Variants in PSMA5 observed in about 807,000 individuals in gnomAD.
PSMA5 encodes the protein proteasome subunit alpha type-5.
In PSMA5, 3 loss-of-function variants were observed where a neutral mutation model predicts 34.5. The observed-to-expected ratio is 0.09, with a 90% confidence interval of 0.04 to 0.22. The LOEUF is 0.22. Ranked by LOEUF, PSMA5 falls within the 10% of genes least tolerant of loss-of-function variation. The pLI is 1.00. For synonymous variants in PSMA5, 88 were observed against 95.8 expected (o/e 0.92, Z 0.47); for missense variants, 120 against 286.1 (o/e 0.42, Z 4.19).
chr1:109,419,458 A>G (rs1218408134), intron 2 of PSMA5, among the ~76,000 whole-genome samples: 1 of 152,066 alleles, frequency 6.6e-6, no homozygotes, highest in Non-Finnish European at 1.5e-5. Context: ...ACTTGAGCTC[A>G]GGAGCTCGAG....
At position 109,399,347 on chromosome 1, in the gene PSMA5, A is replaced by C. The variant is rs1246994970; in HGVS notation, c.*2666T>G. Reference sequence around the variant, plus strand: ...ATTGGTGAACAATTTGTTCCTTTCCATAACTACTATCAGATTAATTTAAAA... The same window carrying C: ...ATTGGTGAACAATTTGTTCCTTTCCCTAACTACTATCAGATTAATTTAAAA... On this transcript the variant is annotated 3_prime_UTR_variant, in exon 9 of 9. Transcript: ENST00000271308. The C allele has an allele frequency of 6.6e-6, 1 of 152,228 alleles. No homozygotes were observed. Among genetic ancestry groups the C allele is most frequent in the Non-Finnish European group, 1.5e-5 (1 of 68,046 alleles). The allele number at this position is 152,228 out of a possible 1,614,324, so 9.4% of individuals were successfully genotyped here.
At chr1:109,421,075 T>G (rs1654422393) in intron 2 of PSMA5, among the ~76,000 whole-genome samples, 2 of 150,372 alleles carry the variant, frequency 1.3e-5, no homozygotes, top group Admixed American at 6.6e-5. Context: ...GTACCCTAGC[T>G]GCTAGGGAGG....
Position 109,412,191 on chromosome 1 carries a change from G to A in PSMA5, c.292-7C>T. On this transcript the variant is annotated splice_region_variant and splice_polypyrimidine_tract_variant and intron_variant, in intron 4 of 8. Transcript: ENST00000271308. ...TGTAGGTGAACCAGTGGTTCTAGAA[G>A]AAGAGCAAAGCATGGTACAACCTTC... 1 of 1,605,618 alleles carries A rather than the reference G, an allele frequency of 6.2e-7. No homozygotes were observed. Among genetic ancestry groups the A allele is most frequent in the Non-Finnish European group, 8.5e-7 (1 of 1,172,224 alleles).
chr1:109,413,035 A>C, intron 4 of PSMA5, 33 bp downstream of exon 4: 1 of 1,573,238 alleles, frequency 6.4e-7, no homozygotes, highest in East Asian at 2.2e-5. Flanking sequence ...GAACTCAAGC[A>C]TCCTGGTAAA....
In PSMA5 at chr1:109,404,267, G is replaced by A. The variant is rs550366232; in HGVS notation, c.649-2177C>T. Among the ~76,000 whole-genome samples the A allele has an allele frequency of 5.9e-5, 9 of 152,140 alleles. No homozygotes were observed. The South Asian group carries it at 1.9e-3, about 32-fold the overall frequency. On this transcript the variant is annotated intron_variant, in intron 8 of 8. Transcript: ENST00000271308. ...GTGGAGGTTGCAGTGAGCTGAGATC[G>A]CACCACTGCACTTAGCCCAGGCAAC...
At chr1:109,410,366 T>G (rs1363717843) in intron 7 of PSMA5, among the ~76,000 whole-genome samples, 1 of 152,222 alleles carries the variant, frequency 6.6e-6, no homozygotes, top group Non-Finnish European at 1.5e-5. Context: ...AATGCCCAAA[T>G]GATCTAAGAG....
At position 109,415,265 on chromosome 1, in the gene PSMA5, C is replaced by T; in HGVS notation, c.195G>A (p.Glu65=). Reference sequence around the variant, plus strand: ...TGTGAGCATCAATCTCTACAATTTTCTCAATGCTGCTGGGCTCCATCAGTG... The same window carrying T: ...TGTGAGCATCAATCTCTACAATTTTTTCAATGCTGCTGGGCTCCATCAGTG... ...TSPLMEPSSI[E]KIVEIDAHIG... is the part of the protein sequence containing the mutation. Residue 65 remains glutamate (E), a synonymous_variant, in exon 3 of 9, where the codon GAG becomes GAA. Coordinates refer to ENST00000271308, the MANE Select transcript of PSMA5 (RefSeq NM_002790.4). 1 of 1,613,892 alleles carries T rather than the reference C, an allele frequency of 6.2e-7. No homozygotes were observed. Among genetic ancestry groups the T allele is most frequent in the Non-Finnish European group, 8.5e-7 (1 of 1,179,818 alleles).
At chr1:109,411,581 C>T (rs1653992642) in intron 6 of PSMA5, among the ~76,000 whole-genome samples, 2 of 152,098 alleles carry the variant, frequency 1.3e-5, no homozygotes, top group Admixed American at 1.3e-4. Context: ...TACATACACA[C>T]ACACACACTC....
intron 4 of PSMA5, 73 bp from the exon 5 acceptor site, chr1:109,412,257 A>C: frequency 8.0e-7 from 1 of 1,247,772 alleles, no homozygotes. Context: ...CACTACGCAC[A>C]TCCCTTTAAA....
At chr1:109,414,097 C>T (rs1006715669) in intron 3 of PSMA5, among the ~76,000 whole-genome samples, 35 of 152,166 alleles carry the variant, frequency 2.3e-4, no homozygotes, top group Admixed American at 5.9e-4. Context: ...GCTCTCTGAC[C>T]GACTCTGCTG....
chr1:109,424,914 G>A (rs1040098327), intron 1 of PSMA5, among the ~76,000 whole-genome samples: 1 of 152,200 alleles, frequency 6.6e-6, no homozygotes, highest in Non-Finnish European at 1.5e-5. Context: ...TTGAACCCAG[G>A]AGGCGGAGGT....
intron 8 of PSMA5, 76 bp downstream of exon 8, chr1:109,409,852 C>T (rs1302627629): frequency 9.8e-6 from 10 of 1,024,508 alleles, no homozygotes; most frequent in Non-Finnish European, 1.5e-5. Flanking sequence ...AGTTCAAGAC[C>T]AGTCTAGGCA....
chr1:109,410,662 A>G (rs1271150053), intron 7 of PSMA5, among the ~76,000 whole-genome samples: 2 of 152,248 alleles, frequency 1.3e-5, no homozygotes, highest in South Asian at 2.1e-4. Context: ...ATACCATGGT[A>G]TATTACTCAG....
rs1418165007 is a variant in PSMA5 at position 109,400,396 on chromosome 1, TG to T, written c.*1616del. On this transcript the variant is annotated 3_prime_UTR_variant, in exon 9 of 9. Transcript: ENST00000271308. Reference sequence around the variant, plus strand: ...CATATCTACCATTTGAACAGCTCTCTGCCTGATGGCTAATACATTTCTTGGC... The same window carrying T: ...CATATCTACCATTTGAACAGCTCTCTCCTGATGGCTAATACATTTCTTGGC... 2 of 152,260 alleles carry T rather than the reference TG, an allele frequency of 1.3e-5. No homozygotes were observed. The highest frequency in any genetic ancestry group is 6.5e-5 in the Admixed American group (1 of 15,292). The allele number at this position is 152,260 out of a possible 1,614,324, so 9.4% of individuals were successfully genotyped here.
intron 8 of PSMA5, 31 bp downstream of exon 8, chr1:109,409,897 G>GA (rs780861558): frequency 6.6e-7 from 1 of 1,518,462 alleles, no homozygotes; most frequent in Non-Finnish European, 9.0e-7. Context: ...AAAAAAAACC[G>GA]AAAAAAATCC....
chr1:109,411,977 A>C (rs1467026191), intron 5 of PSMA5, 42 bp from the exon 6 acceptor site: 1 of 1,593,902 alleles, frequency 6.3e-7, no homozygotes, highest in Non-Finnish European at 8.6e-7. Flanking sequence ...AATGGCTATA[A>C]AGTAAGGAGG....
At position 109,401,254 on chromosome 1, in the gene PSMA5, T is replaced by G. The variant is rs1300306360; in HGVS notation, c.*759A>C. 6.6e-6 allele frequency: 1 copy of G among 152,202 alleles called. No individual in the cohort carries two copies. The highest frequency in any genetic ancestry group is 2.4e-5 in the African/African-American group (1 of 41,434). The allele number at this position is 152,202 out of a possible 1,614,324, so 9.4% of individuals were successfully genotyped here. A position where few individuals can be genotyped will look rare whatever the true frequency, so the allele number is the denominator to read the frequency against. ...AGTGAGGCCAAGGTCATTAATTTAA[T>G]TCTTAGTCCTTCACTTCGTAAACAA... On this transcript the variant is annotated 3_prime_UTR_variant, in exon 9 of 9. Coordinates refer to ENST00000271308, the MANE Select transcript of PSMA5 (RefSeq NM_002790.4).
intron 1 of PSMA5, chr1:109,425,411 C>G (rs1654615304): frequency 6.6e-6 from 1 of 152,096 alleles, no homozygotes; most frequent in Admixed American, 6.5e-5. Flanking sequence ...CTTTATAGGA[C>G]AGTGGGGAAA....
At position 109,401,303 on chromosome 1, in the gene PSMA5, ATCAAGAC is replaced by A. The variant is rs1653509802; in HGVS notation, c.*703_*709del. 1 of 152,220 alleles carries A rather than the reference ATCAAGAC, an allele frequency of 6.6e-6. No homozygotes were observed. Among genetic ancestry groups the A allele is most frequent in the South Asian group, 2.1e-4 (1 of 4,832 alleles). 9.4% of individuals were successfully genotyped at this position (152,220 alleles called of 1,614,324 possible). On this transcript the variant is annotated 3_prime_UTR_variant, in exon 9 of 9. Transcript: ENST00000271308. ...AAGGAAATCTCTTTCCAAATTGTCT[ATCAAGAC>A]CCAAGAACTGGTACAACACTGTTGA...
Sources: gnomAD v4.1 joint callset for allele counts (sites outside exome capture counted in the v4.1 genomes callset) on GRCh38, gnomAD v4.1.1 for gene constraint, MANE v1.5 for transcripts, NCBI Gene and HGNC (gene_info 2026-07-23, HGNC 2026-07-21) for gene names.